The following MYLK variants were observed in gnomAD, a reference collection of about 807,000 sequenced individuals.
MYLK encodes the protein myosin light chain kinase, smooth muscle.
In MYLK, 106 loss-of-function variants were observed where a neutral mutation model predicts 203.4. The ratio of observed to expected loss-of-function variants is 0.52; its 90% CI spans 0.45 to 0.61. The LOEUF (loss-of-function observed/expected upper bound fraction) is 0.61, where lower values mean the gene tolerates loss of function less well. MYLK is among the 20% of genes least tolerant of loss of function. The pLI, the probability that MYLK is intolerant of heterozygous loss-of-function variation, is 0.00. For synonymous variants in MYLK, 867 were observed against 959.5 expected, an observed-to-expected ratio of 0.90 and a Z score of 1.78; for missense variants, 2,072 against 2,442.3, an observed-to-expected ratio of 0.85 and a Z score of 3.20.
chr3:123,771,426 T>C (rs2063879265), intron 4 of MYLK, among the ~76,000 whole-genome samples: 1 of 152,212 alleles, frequency 6.6e-6, no homozygotes, highest in South Asian at 2.1e-4. Context: ...TTTGCCTATG[T>C]CTTATTTCTA....
chr3:123,812,143 G>A (rs558365618), intron 3 of MYLK, among the ~76,000 whole-genome samples: 15 of 152,172 alleles, frequency 9.9e-5, no homozygotes, highest in African/African-American at 3.6e-4. Context: ...AAGAACTCTT[G>A]CCCCCCAGTT....
chr3:123,882,689 A>G (rs1032260789), intron 1 of MYLK, among the ~76,000 whole-genome samples: 6 of 152,198 alleles, frequency 3.9e-5, no homozygotes, highest in Non-Finnish European at 8.8e-5. Context: ...TACCCAATCC[A>G]GCATCCAGAG....
intron 4 of MYLK, among the ~76,000 whole-genome samples, chr3:123,779,039 C>G (rs369904363): frequency 6.6e-6 from 1 of 152,204 alleles, no homozygotes; most frequent in Admixed American, 6.5e-5. Context: ...GACAAAAGAG[C>G]TTTGTCTCAG....
rs1412831614 is a variant in MYLK at position 123,647,311 on chromosome 3, C to G, written c.4532G>C (p.Ser1511Thr). ...AGGGTGGTGGAGGCAGTTCATGATG[C>G]TAATCTCCTGCCGGATATTCTCTTT... The part of the protein sequence containing the change: ...KEKENIRQEI[S>T]IMNCLHHPKL... Residue 1511 changes from serine (S) to threonine (T), a missense_variant, in exon 27 of 34, where the codon AGC becomes ACC. By Grantham distance (58) the Ser-to-Thr change is moderately conservative. This residue lies in a region of MYLK where 524 missense variants were observed against 782.4 expected (regional missense o/e 0.67). Transcript: ENST00000360304. 2 of 1,614,232 alleles carry G rather than the reference C, an allele frequency of 1.2e-6. No homozygotes were observed. Among genetic ancestry groups the G allele is most frequent in the Non-Finnish European group, 1.7e-6 (2 of 1,180,028 alleles).
intron 13 of MYLK, among the ~76,000 whole-genome samples, chr3:123,719,012 G>A (rs1475106416): frequency 6.6e-6 from 1 of 152,226 alleles, no homozygotes; most frequent in Admixed American, 6.5e-5. Context: ...CAGAGAAAGT[G>A]ACATTTGTGG....
At chr3:123,673,161 CTTTT>C (rs761090869) in intron 20 of MYLK, among the ~76,000 whole-genome samples, 6 of 136,948 alleles carry the variant, frequency 4.4e-5, no homozygotes, top group South Asian at 2.3e-4. Flanking sequence ...TTTTTCTTTT[CTTTT>C]TTTTTTTTTT....
chr3:123,772,441 C>T (rs1186863955), intron 4 of MYLK, among the ~76,000 whole-genome samples: 1 of 151,830 alleles, frequency 6.6e-6, no homozygotes, highest in Non-Finnish European at 1.5e-5. Context: ...ACATTACACA[C>T]AGAAACATCC....
chr3:123,848,848 C>T (rs977167435), intron 2 of MYLK, among the ~76,000 whole-genome samples: 8 of 152,164 alleles, frequency 5.3e-5, no homozygotes, highest in African/African-American at 9.7e-5. Flanking sequence ...TGGACTACCT[C>T]GAAACTTCTT....
At chr3:123,847,893 T>C (rs747363509) in intron 2 of MYLK, among the ~76,000 whole-genome samples, 1 of 152,102 alleles carries the variant, frequency 6.6e-6, no homozygotes. Flanking sequence ...TATACTATCA[T>C]TATTTTAAAA....
At chr3:123,685,107 A>G (rs1043304994) in intron 19 of MYLK, among the ~76,000 whole-genome samples, 3 of 152,248 alleles carry the variant, frequency 2.0e-5, no homozygotes, top group Non-Finnish European at 4.4e-5. Flanking sequence ...GCATCACCAC[A>G]GTAGAGGCCA....
At chr3:123,845,180 C>G (rs2066684399) in intron 2 of MYLK, among the ~76,000 whole-genome samples, 1 of 152,162 alleles carries the variant, frequency 6.6e-6, no homozygotes, top group African/African-American at 2.4e-5. Context: ...GGACTGACCT[C>G]CCTGTGGAAA....
At chr3:123,730,823 A>G (rs1341009934) in intron 11 of MYLK, among the ~76,000 whole-genome samples, 1 of 152,150 alleles carries the variant, frequency 6.6e-6, no homozygotes, top group Non-Finnish European at 1.5e-5. Flanking sequence ...ATGTTCTGAA[A>G]TCAGATGATG....
At chr3:123,677,201 A>G (rs2060098984) in intron 20 of MYLK, among the ~76,000 whole-genome samples, 1 of 152,208 alleles carries the variant, frequency 6.6e-6, no homozygotes, top group Non-Finnish European at 1.5e-5. Flanking sequence ...ATTAATCTCA[A>G]CTGAACTGTG....
chr3:123,871,357 A>C (rs1373122244), intron 2 of MYLK, among the ~76,000 whole-genome samples: 6 of 152,212 alleles, frequency 3.9e-5, no homozygotes, highest in East Asian at 1.9e-4. Context: ...GGAAACAAAA[A>C]ACATTGAGAA....
intron 24 of MYLK, among the ~76,000 whole-genome samples, chr3:123,653,843 C>T (rs928414216): frequency 1.3e-5 from 2 of 152,188 alleles, no homozygotes; most frequent in African/African-American, 4.8e-5. Context: ...TCCTTTCCAG[C>T]CAATGAACAT....
intron 20 of MYLK, chr3:123,681,867 C>T (rs1308277810): frequency 1.7e-5 from 6 of 347,786 alleles, no homozygotes; most frequent in Non-Finnish European, 3.3e-5. Context: ...GAAAGAGCCC[C>T]TGGGAGGGCA....
chr3:123,700,873 G>A lies in MYLK; in HGVS notation c.2595C>T (p.Asp865=), dbSNP rs567610011. ...TCAGCACCCCTCGCACGTCCTCGCCGTCTTCCTCCTCTAGCCAACCCTGCC... is the reference window on the plus strand; with the variant it reads ...TCAGCACCCCTCGCACGTCCTCGCCATCTTCCTCCTCTAGCCAACCCTGCC... ...ARGQGWLEEE[D]GEDVRGVLKR... The change falls in exon 18 of 34, where the codon GAC becomes GAT. Residue 865 remains aspartate, a synonymous_variant. Transcript: ENST00000360304. The A allele has an allele frequency of 2.2e-5, 35 of 1,613,304 alleles. No individual in the cohort carries two copies. The highest frequency in any genetic ancestry group is 1.0e-4 in the Admixed American group (6 of 60,016).
At chr3:123,679,453 T>C (rs1028525587) in intron 20 of MYLK, among the ~76,000 whole-genome samples, 7 of 151,116 alleles carry the variant, frequency 4.6e-5, no homozygotes, top group African/African-American at 1.7e-4. Flanking sequence ...AGGACAAGAG[T>C]GCAGGGGTGC....
At chr3:123,770,033 G>C (rs534603803) in intron 4 of MYLK, among the ~76,000 whole-genome samples, 1 of 151,988 alleles carries the variant, frequency 6.6e-6, no homozygotes, top group African/African-American at 2.4e-5. Flanking sequence ...AAGTCAGGCC[G>C]GGTGCAGTGG....
Sources: allele counts gnomAD v4.1 joint callset (sites outside exome capture counted in the v4.1 genomes callset), GRCh38; gene constraint gnomAD v4.1.1; regional missense constraint gnomAD v4.1.1; transcripts MANE v1.5; gene names NCBI Gene and HGNC (gene_info 2026-07-23, HGNC 2026-07-21).